The following MARCO variants were observed in gnomAD, a reference collection of about 807,000 sequenced individuals.
MARCO encodes macrophage receptor MARCO.
In MARCO, 72 loss-of-function variants were observed where a neutral mutation model predicts 70.0. The observed-to-expected ratio is 1.03, with a 90% CI of 0.85 to 1.25. MARCO has a LOEUF of 1.25. MARCO is among the 50% of genes most tolerant of loss of function. The pLI, the probability that MARCO is intolerant of heterozygous loss-of-function variation, is 0.00. For missense variants in MARCO, 696 were observed against 659.3 expected (o/e 1.06, Z -0.61); for synonymous variants, 273 against 243.1 (o/e 1.12, Z -1.14).
intron 12 of MARCO, among the ~76,000 whole-genome samples, chr2:118,988,895 A>G (rs1280104216): frequency 6.6e-6 from 1 of 152,102 alleles, no homozygotes; most frequent in East Asian, 1.9e-4. Context: ...TACATCATTT[A>G]TTCAGCACTG....
In MARCO at chr2:118,963,922, C is replaced by T. The variant is rs138748988; in HGVS notation, c.98-5238C>T. Among the ~76,000 whole-genome samples the T allele has an allele frequency of 2.2e-3, 337 of 152,130 alleles. 1 individual carries two copies. The highest frequency in any genetic ancestry group is 2.9e-3 in the Non-Finnish European group (200 of 67,962). ...TGTTTTCTGTTTTTTCTTTGTTTCC[C>T]ATTCATGTATTTCTCTTTTCTTGCC... On this transcript the variant is annotated intron_variant, in intron 1 of 16. Transcript: ENST00000327097.
intron 10 of MARCO, 109 bp downstream of exon 10, chr2:118,981,765 A>G: frequency 8.7e-7 from 1 of 1,151,764 alleles, no homozygotes; most frequent in South Asian, 1.3e-5. Flanking sequence ...ATTCACCCAG[A>G]ACACCTGGGG....
intron 1 of MARCO, among the ~76,000 whole-genome samples, chr2:118,963,839 C>A (rs1244725344): frequency 6.6e-6 from 1 of 152,020 alleles, no homozygotes; most frequent in Non-Finnish European, 1.5e-5. Flanking sequence ...TGATTTAGAC[C>A]ATTTATACCG....
intron 1 of MARCO, among the ~76,000 whole-genome samples, chr2:118,942,985 A>G (rs542094193): frequency 6.6e-6 from 1 of 152,362 alleles, no homozygotes; most frequent in Non-Finnish European, 1.5e-5. Context: ...TCAGCATTCA[A>G]CAGGTGATGC....
intron 16 of MARCO, 96 bp downstream of exon 16, chr2:118,993,396 C>T: frequency 7.9e-7 from 1 of 1,269,032 alleles, no homozygotes; most frequent in Non-Finnish European, 1.1e-6. Context: ...GTGTGGTTTT[C>T]TTTAAAAGAA....
intron 1 of MARCO, among the ~76,000 whole-genome samples, chr2:118,968,838 A>G (rs1403708687): frequency 2.6e-5 from 4 of 152,204 alleles, no homozygotes; most frequent in Non-Finnish European, 5.9e-5. Context: ...CCACAAACAG[A>G]GATTGAGAAC....
intron 12 of MARCO, among the ~76,000 whole-genome samples, chr2:118,988,622 T>C (rs1225477094): frequency 1.3e-5 from 2 of 152,094 alleles, no homozygotes; most frequent in Non-Finnish European, 2.9e-5. Flanking sequence ...GGATGTGGAC[T>C]GTTTTCTACT....
In MARCO at chr2:118,994,551, A is replaced by G; in HGVS notation, c.*31A>G. ...AAACCCTTTCACTTCTCTGCTCCCG[A>G]GGTGTCCTCGGGCTCATATGTGGGA... On this transcript the variant is annotated 3_prime_UTR_variant, in exon 17 of 17. Coordinates refer to ENST00000327097, the MANE Select transcript of MARCO (RefSeq NM_006770.4). The G allele has an allele frequency of 1.9e-6, 3 of 1,543,898 alleles. No individual in the cohort carries two copies. The highest frequency in any genetic ancestry group is 2.6e-6 in the Non-Finnish European group (3 of 1,146,708).
intron 1 of MARCO, chr2:118,952,478 G>C (rs1049950268): frequency 6.6e-6 from 1 of 152,378 alleles, no homozygotes; most frequent in Non-Finnish European, 1.5e-5. Context: ...CCATCCAGCA[G>C]TAGGACTTGT....
At position 118,974,445 on chromosome 2, in the gene MARCO, G is replaced by T; in HGVS notation, c.568+5G>T. ...TGGGACGAGATGGAGCAACAGGTACGGGTCTTTTTCTTCTGACCCTTAATC... is the reference window on the plus strand; with the variant it reads ...TGGGACGAGATGGAGCAACAGGTACTGGTCTTTTTCTTCTGACCCTTAATC... On this transcript the variant is annotated splice_donor_5th_base_variant and intron_variant, in intron 5 of 16. Transcript: ENST00000327097. The T allele has an allele frequency of 6.2e-7, 1 of 1,612,484 alleles. No individual in the cohort carries two copies. The highest frequency in any genetic ancestry group is 2.2e-5 in the East Asian group (1 of 44,828).
chr2:118,956,036 G>A (rs370542232), intron 1 of MARCO, among the ~76,000 whole-genome samples: 23 of 152,062 alleles, frequency 1.5e-4, no homozygotes, highest in African/African-American at 5.1e-4. Context: ...ATATCACACA[G>A]GACCTATAAA....
chr2:118,984,056 TCAAA>T (rs1680442494), intron 12 of MARCO, among the ~76,000 whole-genome samples: 2 of 152,094 alleles, frequency 1.3e-5, no homozygotes, highest in South Asian at 4.1e-4. Context: ...AACTTTACGG[TCAAA>T]CAGCCATTAA....
chr2:118,977,685 C>G, intron 7 of MARCO, 143 bp from the exon 8 acceptor site: 1 of 824,044 alleles, frequency 1.2e-6, no homozygotes, highest in Non-Finnish European at 1.9e-6. Context: ...CAAGACCACC[C>G]AAGAAATGAG....
At chr2:118,952,387 C>T (rs1489725248) in intron 1 of MARCO, among the ~76,000 whole-genome samples, 2 of 152,114 alleles carry the variant, frequency 1.3e-5, no homozygotes, top group Non-Finnish European at 2.9e-5. Context: ...TTAGTGTTGG[C>T]GTGCAGGTAT....
At chr2:118,966,266 C>A (rs1022675882) in intron 1 of MARCO, among the ~76,000 whole-genome samples, 1 of 152,178 alleles carries the variant, frequency 6.6e-6, no homozygotes, top group Non-Finnish European at 1.5e-5. Flanking sequence ...AACCTGCTTG[C>A]CTAAAATCTT....
chr2:118,994,296 C>T, intron 16 of MARCO, 91 bp from the exon 17 acceptor site: 1 of 1,438,932 alleles, frequency 6.9e-7, no homozygotes, highest in South Asian at 1.2e-5. Flanking sequence ...CAGTCCACCT[C>T]AGATGGAAGC....
At chr2:118,965,812 C>G (rs982539293) in intron 1 of MARCO, among the ~76,000 whole-genome samples, 2 of 152,164 alleles carry the variant, frequency 1.3e-5, no homozygotes, top group African/African-American at 4.8e-5. Flanking sequence ...ACTTTGTTTA[C>G]CTGGTGCCAT....
chr2:118,957,045 A>C (rs1381758419), intron 1 of MARCO, among the ~76,000 whole-genome samples: 1 of 152,082 alleles, frequency 6.6e-6, no homozygotes, highest in Non-Finnish European at 1.5e-5. Flanking sequence ...AAAAGTCTGA[A>C]AGAGCACAGA....
At chr2:118,952,000 C>T (rs1219332582) in intron 1 of MARCO, among the ~76,000 whole-genome samples, 2 of 152,150 alleles carry the variant, frequency 1.3e-5, no homozygotes, top group Non-Finnish European at 2.9e-5. Context: ...CTTTCCCTGC[C>T]TCTGCCAGCC....
Sources: allele counts gnomAD v4.1 joint callset (sites outside exome capture counted in the v4.1 genomes callset), GRCh38; gene constraint gnomAD v4.1.1; transcripts MANE v1.5; gene names NCBI Gene and HGNC (gene_info 2026-07-23, HGNC 2026-07-21).